Variants in RUSC2 observed in about 807,000 individuals in gnomAD.
The protein encoded by RUSC2 is RUN and SH3 domain containing 2.
Under a neutral mutation model 122.2 loss-of-function variants are expected in RUSC2, and 34 were observed. That is an observed-to-expected ratio of 0.28 (90% confidence interval 0.21 to 0.37). RUSC2 has a LOEUF of 0.37. Ranked by LOEUF, RUSC2 falls within the 10% of genes least tolerant of loss-of-function variation. The probability of loss-of-function intolerance (pLI) is 1.00; values close to 1 mark genes in which losing one functional copy is unlikely to be tolerated. For missense variants in RUSC2, 1,747 were observed against 1,952.4 expected, an observed-to-expected ratio of 0.89 and a Z score of 1.98; for synonymous variants, 784 against 790.0, an observed-to-expected ratio of 0.99 and a Z score of 0.13.
At chr9:35,559,119 T>C (rs1205181771) in intron 8 of RUSC2, 107 bp from the exon 9 acceptor site, 8 of 876,868 alleles carry the variant, frequency 9.1e-6, no homozygotes, top group Non-Finnish European at 1.4e-5. Context: ...AATCGTGCCA[T>C]GGAAGGGCGT....
chr9:35,560,637 G>A lies in RUSC2; in HGVS notation c.3997G>A (p.Glu1333Lys). Reference protein sequence around the residue: ...EGAEACPASEEALGRERGWPF... With the variant: ...EGAEACPASEKALGRERGWPF... Reference sequence around the variant, plus strand: ...GGCTGAGGCCTGCCCTGCCTCTGAGGAGGCCCTGGGCCGGGAAAGGGGCTG... The same window carrying A: ...GGCTGAGGCCTGCCCTGCCTCTGAGAAGGCCCTGGGCCGGGAAAGGGGCTG... The change falls in exon 10 of 12, where the codon GAG becomes AAG. Residue 1333 changes from glutamate (E) to lysine (K), a missense_variant. Transcript: ENST00000361226. The A allele has an allele frequency of 6.2e-7, 1 of 1,604,184 alleles. No homozygotes were observed. Among genetic ancestry groups the A allele is most frequent in the Non-Finnish European group, 8.5e-7 (1 of 1,175,192 alleles).
At chr9:35,511,180 G>A (rs1821004765) in intron 1 of RUSC2, among the ~76,000 whole-genome samples, 1 of 152,158 alleles carries the variant, frequency 6.6e-6, no homozygotes, top group South Asian at 2.1e-4. Flanking sequence ...GCTAGTGCTG[G>A]ACTTTTGAAA....
At chr9:35,492,101 C>T (rs1820579337) in intron 1 of RUSC2, among the ~76,000 whole-genome samples, 1 of 152,074 alleles carries the variant, frequency 6.6e-6, no homozygotes, top group Admixed American at 6.6e-5. Flanking sequence ...GTCTAGGCTT[C>T]CTGTTAAGAC....
intron 1 of RUSC2, among the ~76,000 whole-genome samples, chr9:35,545,075 G>A (rs143090340): frequency 2.0e-3 from 309 of 152,146 alleles, no homozygotes; most frequent in African/African-American, 7.2e-3. Flanking sequence ...TCCCTTATAC[G>A]TATACTTATT....
chr9:35,561,596 G>GACAC lies in RUSC2; in HGVS notation c.*216_*219dup. 1 of 592,294 alleles carries GACAC rather than the reference G, an allele frequency of 1.7e-6. No individual in the cohort carries two copies. The highest frequency in any genetic ancestry group is 3.0e-6 in the Non-Finnish European group (1 of 335,712). 36.7% of individuals were successfully genotyped at this position (592,294 alleles called of 1,614,324 possible). On this transcript the variant is annotated 3_prime_UTR_variant, in exon 12 of 12. Transcript: ENST00000361226. The stretch of plus-strand genomic sequence containing the variant: ...AGACCTCCACCCAGGAGAGGGATGG[G>GACAC]ACACAGCACTGGGCTGCCAGGATTC...
intron 1 of RUSC2, among the ~76,000 whole-genome samples, chr9:35,491,529 A>G (rs7875655): frequency 1.3e-5 from 2 of 152,150 alleles, no homozygotes; most frequent in African/African-American, 4.8e-5. Flanking sequence ...CTGTGCTGGT[A>G]TTTAAGATTC....
At chr9:35,528,922 A>T (rs1199845494) in intron 1 of RUSC2, among the ~76,000 whole-genome samples, 1 of 152,172 alleles carries the variant, frequency 6.6e-6, no homozygotes, top group African/African-American at 2.4e-5. Flanking sequence ...CCCCATCTTT[A>T]AAAAAATTTT....
chr9:35,540,630 T>C (rs762436537), intron 1 of RUSC2, among the ~76,000 whole-genome samples: 1 of 152,152 alleles, frequency 6.6e-6, no homozygotes, highest in Non-Finnish European at 1.5e-5. Flanking sequence ...TTGGCAAGTG[T>C]TATCATAGCC....
intron 1 of RUSC2, among the ~76,000 whole-genome samples, chr9:35,495,071 T>TAA (rs1204570563): frequency 7.3e-4 from 26 of 35,712 alleles, no homozygotes; most frequent in Non-Finnish European, 1.0e-3. Context: ...ATAGTATATA[T>TAA]TATATATAGT....
At chr9:35,513,676 G>C (rs1821050323) in intron 1 of RUSC2, among the ~76,000 whole-genome samples, 1 of 151,500 alleles carries the variant, frequency 6.6e-6, no homozygotes, top group African/African-American at 2.4e-5. Flanking sequence ...ATTGCATCAT[G>C]ATTTATTTAA....
chr9:35,503,436 A>G (rs1820854132), intron 1 of RUSC2, among the ~76,000 whole-genome samples: 1 of 152,152 alleles, frequency 6.6e-6, no homozygotes, highest in Non-Finnish European at 1.5e-5. Flanking sequence ...AAAAGCCGTT[A>G]TTTTATTCCA....
intron 1 of RUSC2, among the ~76,000 whole-genome samples, chr9:35,526,507 T>C (rs1034765599): frequency 3.9e-5 from 6 of 152,222 alleles, no homozygotes; most frequent in Non-Finnish European, 5.9e-5. Flanking sequence ...GGTATTTTCA[T>C]CACCATTCTA....
chr9:35,505,676 TATA>T (rs1564245070), intron 1 of RUSC2, among the ~76,000 whole-genome samples: 1 of 152,174 alleles, frequency 6.6e-6, no homozygotes, highest in Non-Finnish European at 1.5e-5. Flanking sequence ...AAACCACTAT[TATA>T]ATAATTTTAG....
At chr9:35,503,775 A>AT (rs148884407) in intron 1 of RUSC2, among the ~76,000 whole-genome samples, 25 of 149,090 alleles carry the variant, frequency 1.7e-4, no homozygotes, top group African/African-American at 4.4e-4. Context: ...ATCTATTATT[A>AT]TTTTTTTTTT....
intron 1 of RUSC2, among the ~76,000 whole-genome samples, chr9:35,513,903 C>CATATATATATATATATATATATATAT (rs3068511): frequency 3.8e-5 from 4 of 104,236 alleles, no homozygotes; most frequent in Non-Finnish European, 5.7e-5. Context: ...CTTCAACAAA[C>CATATATATATATATATATATATATAT]ATATATATAT....
chr9:35,560,309 A>G lies in RUSC2; in HGVS notation c.3669A>G (p.Ala1223=). 6.2e-7 allele frequency: 1 copy of G among 1,602,034 alleles called. No homozygotes were observed. The highest frequency in any genetic ancestry group is 8.5e-7 in the Non-Finnish European group (1 of 1,173,556). The change falls in exon 10 of 12, where the codon GCA becomes GCG. Residue 1223 remains alanine (A), a synonymous_variant. Coordinates refer to ENST00000361226, the MANE Select transcript of RUSC2 (RefSeq NM_014806.5). The part of the protein sequence containing the change: ...GQEGPGDVDR[A]AQGERVKGVG... ...AGGGCCCTGGAGACGTGGACAGGGC[A>G]GCCCAAGGGGAGCGGGTGAAGGGTG...
intron 1 of RUSC2, among the ~76,000 whole-genome samples, chr9:35,536,737 C>T (rs935796428): frequency 7.3e-6 from 1 of 136,218 alleles, no homozygotes; most frequent in African/African-American, 2.6e-5. Flanking sequence ...TCACTTGATC[C>T]TGGGAGACAG....
chr9:35,559,265 C>T lies in RUSC2; in HGVS notation c.3381C>T (p.Asn1127=). 6.2e-7 allele frequency: 1 copy of T among 1,613,002 alleles called. No homozygotes were observed. ...SLEFWFNHLY[N]HEDIIQTHYQ... is the part of the protein sequence containing the mutation. Reference sequence around the variant, plus strand: ...AGTTCTGGTTTAATCACCTCTATAACCACGAAGGTAATGCCTAGAACCCTG... The same window carrying T: ...AGTTCTGGTTTAATCACCTCTATAATCACGAAGGTAATGCCTAGAACCCTG... Residue 1127 remains asparagine, a synonymous_variant, in exon 9 of 12, where the codon AAC becomes AAT. Coordinates refer to ENST00000361226, the MANE Select transcript of RUSC2 (RefSeq NM_014806.5).
At position 35,548,668 on chromosome 9, in the gene RUSC2, T is replaced by A; in HGVS notation, c.2014+133T>A. ...TTCCACATCCTAGATCTGTTATCCT[T>A]CTAGGCCAGGGCAGGACCCACAGCT... is the stretch of plus-strand genomic sequence containing the variant. On this transcript the variant is annotated intron_variant, in intron 2 of 11. Transcript: ENST00000361226. The surrounding 1 kb of genome is among the most constrained non-coding windows in gnomAD (Gnocchi z 4.5). The A allele has an allele frequency of 2.1e-6, 3 of 1,427,594 alleles. No homozygotes were observed. The highest frequency in any genetic ancestry group is 2.7e-6 in the Non-Finnish European group (3 of 1,094,030). The allele number at this position is 1,427,594 out of a possible 1,614,324, so 88.4% of individuals were successfully genotyped here.
Sources: allele counts gnomAD v4.1 joint callset (sites outside exome capture counted in the v4.1 genomes callset), GRCh38; gene constraint gnomAD v4.1.1; non-coding constraint Gnocchi (gnomAD v3.1); transcripts MANE v1.5; gene names NCBI Gene and HGNC (gene_info 2026-07-23, HGNC 2026-07-21).